The following LPIN2 variants were observed in gnomAD, a reference collection of about 807,000 sequenced individuals.
The protein encoded by LPIN2 is phosphatidate phosphatase LPIN2.
LPIN2 carries 55 observed loss-of-function variants against 111.4 expected under a neutral mutation model. The ratio of observed to expected loss-of-function variants is 0.49; its 90% CI spans 0.40 to 0.62. LPIN2 has a LOEUF of 0.62. Ranked by LOEUF, LPIN2 falls within the 20% of genes least tolerant of loss-of-function variation. The probability of loss-of-function intolerance (pLI) is 0.00; values close to 1 mark genes in which losing one functional copy is unlikely to be tolerated. For missense variants in LPIN2, 992 were observed against 1,112.1 expected (o/e 0.89, Z 1.54); for synonymous variants, 425 against 414.0 (o/e 1.03, Z -0.32).
chr18:2,968,180 G>A (rs894429330), intron 1 of LPIN2, among the ~76,000 whole-genome samples: 4 of 152,168 alleles, frequency 2.6e-5, no homozygotes, highest in South Asian at 4.1e-4. Flanking sequence ...CTCTGTAAAC[G>A]AAAACCCAGT....
intron 1 of LPIN2, chr18:2,982,633 C>G: frequency 9.5e-7 from 1 of 1,052,846 alleles, no homozygotes; most frequent in Non-Finnish European, 1.3e-6. Context: ...GAGCAAGCAG[C>G]GAAGGGAGCA....
At chr18:2,946,225 C>G (rs372590806) in intron 4 of LPIN2, 8 of 1,581,862 alleles carry the variant, frequency 5.1e-6, no homozygotes, top group Non-Finnish European at 6.9e-6. Context: ...GTCTTTTTAT[C>G]GCGTCTACTG....
chr18:3,001,115 C>T lies in LPIN2; in HGVS notation c.-10+11972G>A, dbSNP rs143190657. 5.4e-3 allele frequency among the ~76,000 whole-genome samples: 825 copies of T among 152,252 alleles called. 3 individuals are homozygous for T. The highest frequency in any genetic ancestry group is 0.019 in the African/African-American group (791 of 41,526). ...GCTAGCCTATCAGTTGGGTAGGAGGCTCAAATAAAGACATTTTCAGACACG... is the reference window on the plus strand; with the variant it reads ...GCTAGCCTATCAGTTGGGTAGGAGGTTCAAATAAAGACATTTTCAGACACG... On this transcript the variant is annotated intron_variant, in intron 1 of 19. Transcript: ENST00000677752.
At position 2,919,929 on chromosome 18, in the gene LPIN2, G is replaced by A; in HGVS notation, c.*364C>T. ...CCACCTCAACTGCCCAGTGGAAACT[G>A]GAACACTTCACTGTGTGCAGTGTTT... is the stretch of plus-strand genomic sequence containing the variant. On this transcript the variant is annotated 3_prime_UTR_variant, in exon 20 of 20. Coordinates refer to ENST00000677752, the MANE Select transcript of LPIN2 (RefSeq NM_001375808.2). The A allele has an allele frequency of 2.9e-6, 1 of 344,138 alleles. No homozygotes were observed. The highest frequency in any genetic ancestry group is 5.7e-6 in the Non-Finnish European group (1 of 176,406). The allele number at this position is 344,138 out of a possible 1,614,324, so 21.3% of individuals were successfully genotyped here.
At chr18:2,969,054 A>G (rs1183080082) in intron 1 of LPIN2, among the ~76,000 whole-genome samples, 1 of 152,220 alleles carries the variant, frequency 6.6e-6, no homozygotes, top group Non-Finnish European at 1.5e-5. Flanking sequence ...GGAACTTCCT[A>G]TCAAGGTTGA....
chr18:2,973,794 A>G (rs2077962714), intron 1 of LPIN2, among the ~76,000 whole-genome samples: 1 of 152,252 alleles, frequency 6.6e-6, no homozygotes, highest in Admixed American at 6.5e-5. Context: ...GGCTGAAGGT[A>G]ATTATAGAAA....
chr18:3,004,834 C>T (rs180879068), intron 1 of LPIN2, among the ~76,000 whole-genome samples: 5 of 152,258 alleles, frequency 3.3e-5, no homozygotes, highest in African/African-American at 1.2e-4. Flanking sequence ...TATGCTCATG[C>T]TGTGAAACAC....
intron 4 of LPIN2, among the ~76,000 whole-genome samples, chr18:2,941,376 A>G (rs2077364972): frequency 6.6e-6 from 1 of 152,188 alleles, no homozygotes; most frequent in African/African-American, 2.4e-5. Flanking sequence ...TGCTTTTAAG[A>G]TTCATAAAAG....
chr18:2,941,985 A>G (rs1051444236), intron 4 of LPIN2, among the ~76,000 whole-genome samples: 9 of 152,254 alleles, frequency 5.9e-5, no homozygotes, highest in Non-Finnish European at 8.8e-5. Context: ...AAGGCTTCTT[A>G]TAGAAAATTC....
intron 7 of LPIN2, among the ~76,000 whole-genome samples, chr18:2,935,524 T>TA (rs1417795278): frequency 6.6e-6 from 1 of 151,952 alleles, no homozygotes; most frequent in Non-Finnish European, 1.5e-5. Context: ...AGTTCTAAAA[T>TA]AAAAAAGATT....
intron 4 of LPIN2, among the ~76,000 whole-genome samples, chr18:2,942,268 A>G (rs1229578922): frequency 6.6e-6 from 1 of 152,192 alleles, no homozygotes; most frequent in Non-Finnish European, 1.5e-5. Context: ...GAGAAAACAT[A>G]TACCTGAGAA....
In LPIN2 at chr18:2,923,839, G is replaced by C. The variant is rs1469740897; in HGVS notation, c.2110C>G (p.Leu704Val). 2 of 1,614,144 alleles carry C rather than the reference G, an allele frequency of 1.2e-6. No homozygotes were observed. The highest frequency in any genetic ancestry group is 2.2e-5 in the East Asian group (1 of 44,892). The stretch of plus-strand genomic sequence containing the variant: ...GTCCAGTCTTTGCCCAGCTGTGGGA[G>C]AATCTGTCCCAAAGCATCCGACCTA... ...ITKSDALGQI[L>V]PQLGKDWTHQ... The change falls in exon 16 of 20, where the codon CTC becomes GTC. Residue 704 changes from leucine (L) to valine (V), a missense_variant. This residue lies in a region of LPIN2 where 31 missense variants were observed against 60.3 expected (regional missense o/e 0.51). Coordinates refer to ENST00000677752, the MANE Select transcript of LPIN2 (RefSeq NM_001375808.2).
intron 2 of LPIN2, among the ~76,000 whole-genome samples, chr18:2,955,524 A>G (rs1238438640): frequency 1.3e-5 from 2 of 152,196 alleles, no homozygotes; most frequent in South Asian, 2.1e-4. Flanking sequence ...ACCTCCCACC[A>G]GGCTCACCTC....
At chr18:2,930,306 A>G (rs2144156988) in intron 9 of LPIN2, among the ~76,000 whole-genome samples, 1 of 152,374 alleles carries the variant, frequency 6.6e-6, no homozygotes, top group African/African-American at 2.4e-5. Flanking sequence ...AACATTTAAG[A>G]GGATTACAGA....
chr18:2,932,040 T>C (rs2077219021), intron 8 of LPIN2, among the ~76,000 whole-genome samples: 1 of 152,124 alleles, frequency 6.6e-6, no homozygotes, highest in African/African-American at 2.4e-5. Flanking sequence ...TGGATGTAAC[T>C]GTTATTCCAG....
chr18:2,925,426 T>A lies in LPIN2; in HGVS notation c.1794-58A>T. The A allele has an allele frequency of 6.2e-7, 1 of 1,607,866 alleles. No homozygotes were observed. The highest frequency in any genetic ancestry group is 2.2e-5 in the East Asian group (1 of 44,864). ...AGCAGGGCATTTTATTGATGAGAGC[T>A]TTTCATTTAGGATCAAGAAAATAAA... On this transcript the variant is annotated intron_variant, in intron 13 of 19. Coordinates refer to ENST00000677752, the MANE Select transcript of LPIN2 (RefSeq NM_001375808.2). The surrounding 1 kb of genome is among the most constrained non-coding windows in gnomAD (Gnocchi z 4.1).
intron 1 of LPIN2, among the ~76,000 whole-genome samples, chr18:2,975,355 A>G (rs1423806002): frequency 6.6e-6 from 1 of 151,870 alleles, no homozygotes; most frequent in Non-Finnish European, 1.5e-5. Flanking sequence ...TTTTTTTGAG[A>G]TGGAGTTTTA....
intron 2 of LPIN2, among the ~76,000 whole-genome samples, chr18:2,956,192 C>A (rs1021569707): frequency 3.3e-5 from 5 of 152,040 alleles, no homozygotes; most frequent in African/African-American, 1.2e-4. Flanking sequence ...ATAATCAGAA[C>A]CATGTTTCCT....
rs78634942 is a variant in LPIN2 at position 2,960,943 on chromosome 18, T to A, written c.-9-94A>T. 2,966 of 970,372 alleles carry A rather than the reference T, an allele frequency of 3.1e-3. 22 individuals carry two copies. Among genetic ancestry groups the A allele is most frequent in the African/African-American group, 0.027 (1,641 of 61,084 alleles). The allele number at this position is 970,372 out of a possible 1,614,324, so 60.1% of individuals were successfully genotyped here. On this transcript the variant is annotated intron_variant, in intron 1 of 19. Coordinates refer to ENST00000677752, the MANE Select transcript of LPIN2 (RefSeq NM_001375808.2). ...TCGTAACAAAAATGACACTACTCAC[T>A]TGTATGCCAGATTTCATATCATTAG... is the stretch of plus-strand genomic sequence containing the variant.
Sources: gnomAD v4.1 joint callset for allele counts (sites outside exome capture counted in the v4.1 genomes callset) on GRCh38, gnomAD v4.1.1 for gene constraint, gnomAD v4.1.1 regional missense constraint, Gnocchi (gnomAD v3.1) non-coding constraint, MANE v1.5 for transcripts, NCBI Gene and HGNC (gene_info 2026-07-23, HGNC 2026-07-21) for gene names.